CHD7: variants seen among roughly 807,000 people sequenced by gnomAD.
The protein encoded by CHD7 is ATP-dependent chromatin remodeler CHD7.
CHD7 carries 24 observed loss-of-function variants against 307.3 expected under a neutral mutation model. The observed-to-expected ratio is 0.08, with a 90% CI of 0.06 to 0.11. The LOEUF (loss-of-function observed/expected upper bound fraction) is 0.11. Ranked by LOEUF, CHD7 falls within the 10% of genes least tolerant of loss-of-function variation. The probability of loss-of-function intolerance (pLI) is 1.00; values close to 1 mark genes in which losing one functional copy is unlikely to be tolerated. For missense variants in CHD7, 3,106 were observed against 3,727.1 expected (o/e 0.83, Z 4.34); for synonymous variants, 1,363 against 1,349.9 (o/e 1.01, Z -0.21).
chr8:60,809,198 G>A (rs540469353), intron 7 of CHD7, among the ~76,000 whole-genome samples: 3 of 152,170 alleles, frequency 2.0e-5, no homozygotes, highest in Non-Finnish European at 4.4e-5. Flanking sequence ...TGAAGAAGTT[G>A]TGAGTAAAAC....
At chr8:60,790,452 TA>T (rs2150688435) in intron 3 of CHD7, among the ~76,000 whole-genome samples, 1 of 152,364 alleles carries the variant, frequency 6.6e-6, no homozygotes, top group East Asian at 1.9e-4. Flanking sequence ...GTTGGTTTTT[TA>T]AAAAATGCTA....
At chr8:60,770,541 T>C (rs1810658566) in intron 2 of CHD7, among the ~76,000 whole-genome samples, 3 of 152,242 alleles carry the variant, frequency 2.0e-5, no homozygotes, top group African/African-American at 7.2e-5. Context: ...CCCCTCTAAG[T>C]GTTAAACTGA....
chr8:60,718,573 A>G (rs944744539), intron 1 of CHD7, among the ~76,000 whole-genome samples: 1 of 152,000 alleles, frequency 6.6e-6, no homozygotes, highest in African/African-American at 2.4e-5. Context: ...ATAAAGAAAG[A>G]AAATACTTTT....
intron 2 of CHD7, among the ~76,000 whole-genome samples, chr8:60,766,402 A>C (rs1417935672): frequency 6.6e-6 from 1 of 152,232 alleles, no homozygotes; most frequent in Admixed American, 6.5e-5. Context: ...GGAGATGGGA[A>C]GGTACTGGAG....
intron 28 of CHD7, 46 bp from the exon 29 acceptor site, chr8:60,851,973 C>A: frequency 7.3e-7 from 1 of 1,364,636 alleles, no homozygotes. Flanking sequence ...CTCTGTATTG[C>A]AAGATTGCAG....
intron 1 of CHD7, among the ~76,000 whole-genome samples, chr8:60,740,847 G>A (rs1204601993): frequency 7.2e-5 from 11 of 152,216 alleles, no homozygotes; most frequent in Admixed American, 7.2e-4. Context: ...TTAAGGGCGG[G>A]CTGTTGGTAA....
Position 60,856,665 on chromosome 8 carries a change from C to T in CHD7, c.7385C>T (p.Ser2462Phe), listed in dbSNP as rs1487098788. 8 of 1,613,906 alleles carry T rather than the reference C, an allele frequency of 5.0e-6. 1 individual carries two copies. Among genetic ancestry groups the T allele is most frequent in the African/African-American group, 2.7e-5 (2 of 74,932 alleles). ...TSSTSNFSSL[S>F]SKFILPNVST... Reference sequence around the variant, plus strand: ...TCTACCTCAAATTTTTCATCTCTTTCTTCAAAGTTTATCTTGCCTAATGTC... The same window carrying T: ...TCTACCTCAAATTTTTCATCTCTTTTTTCAAAGTTTATCTTGCCTAATGTC... Residue 2462 changes from serine to phenylalanine, a missense_variant, in exon 34 of 38, where the codon TCT becomes TTT. This residue lies in a region of CHD7 where 1,030 missense variants were observed against 1,165.4 expected (regional missense o/e 0.88). Transcript: ENST00000423902.
chr8:60,838,496 A>G (rs1398143367), intron 19 of CHD7, among the ~76,000 whole-genome samples: 1 of 152,162 alleles, frequency 6.6e-6, no homozygotes. Flanking sequence ...CCTGAGGCTA[A>G]TCGCTCACTT....
chr8:60,724,091 A>G (rs1421710285), intron 1 of CHD7, among the ~76,000 whole-genome samples: 4 of 152,196 alleles, frequency 2.6e-5, no homozygotes, highest in African/African-American at 9.6e-5. Context: ...CTCATGTTCA[A>G]TGATTCAGAG....
At chr8:60,845,205 T>G (rs1455308122) in intron 22 of CHD7, 45 bp from the exon 23 acceptor site, 1 of 1,585,282 alleles carries the variant, frequency 6.3e-7, no homozygotes, top group Non-Finnish European at 8.6e-7. Flanking sequence ...GACACTATAA[T>G]TGGAATGTAA....
chr8:60,688,579 A>C (rs1410758861), intron 1 of CHD7, among the ~76,000 whole-genome samples: 1 of 152,148 alleles, frequency 6.6e-6, no homozygotes, highest in Admixed American at 6.5e-5. Flanking sequence ...TTATTTGCCT[A>C]ATTCTCTTGT....
At position 60,852,107 on chromosome 8, in the gene CHD7, T is replaced by C. The variant is rs61746542; in HGVS notation, c.5754T>C (p.Thr1918=). 553 of 1,614,038 alleles carry C rather than the reference T, an allele frequency of 3.4e-4. No individual in the cohort carries two copies. In the African/African-American group the frequency reaches 6.2e-3, roughly 18 times the overall value. The change falls in exon 29 of 38, where the codon ACT becomes ACC. Residue 1918 remains threonine (T), a synonymous_variant. Coordinates refer to ENST00000423902, the MANE Select transcript of CHD7 (RefSeq NM_017780.4). ...TLTTRLRRLI[T]AYQRSYKRQQ... ...CTACACGTCTGCGCCGGCTCATTAC[T>C]GCCTATCAGCGCAGCTATAAAAGGC...
At chr8:60,795,417 T>C (rs964757460) in intron 4 of CHD7, among the ~76,000 whole-genome samples, 3 of 152,228 alleles carry the variant, frequency 2.0e-5, no homozygotes, top group Admixed American at 1.3e-4. Flanking sequence ...GTTTATGTTA[T>C]TAACATTGTT....
intron 2 of CHD7, among the ~76,000 whole-genome samples, chr8:60,744,872 T>G (rs916005831): frequency 1.3e-5 from 2 of 151,368 alleles, no homozygotes; most frequent in Non-Finnish European, 2.9e-5. Context: ...AAAAATTTTT[T>G]TTTTTTTAAT....
intron 1 of CHD7, among the ~76,000 whole-genome samples, chr8:60,725,439 A>G (rs1808117987): frequency 6.6e-6 from 1 of 152,196 alleles, no homozygotes; most frequent in South Asian, 2.1e-4. Flanking sequence ...TATATATTTT[A>G]TATTGCTAAG....
At chr8:60,818,616 TA>T (rs1803869779) in intron 8 of CHD7, among the ~76,000 whole-genome samples, 1 of 152,254 alleles carries the variant, frequency 6.6e-6, no homozygotes, top group Admixed American at 6.5e-5. Flanking sequence ...TACCTCTGTG[TA>T]AAAGCCTGAG....
chr8:60,828,001 G>A (rs1804333271), intron 13 of CHD7, among the ~76,000 whole-genome samples: 1 of 152,020 alleles, frequency 6.6e-6, no homozygotes, highest in Admixed American at 6.6e-5. Flanking sequence ...TATGAAAATA[G>A]GAAGACAGGG....
chr8:60,862,106 G>A, intron 35 of CHD7, 90 bp from the exon 36 acceptor site: 1 of 934,064 alleles, frequency 1.1e-6, no homozygotes, highest in South Asian at 2.1e-5. Flanking sequence ...CATAATAATT[G>A]AAGATGATCT....
chr8:60,854,858 T>A (rs1319377399), intron 32 of CHD7, among the ~76,000 whole-genome samples: 1 of 152,192 alleles, frequency 6.6e-6, no homozygotes, highest in Non-Finnish European at 1.5e-5. Flanking sequence ...GTTTTAAAAT[T>A]TTTTTGTGAA....
Sources: gnomAD v4.1 joint callset for allele counts (sites outside exome capture counted in the v4.1 genomes callset) on GRCh38, gnomAD v4.1.1 for gene constraint, gnomAD v4.1.1 regional missense constraint, MANE v1.5 for transcripts, NCBI Gene and HGNC (gene_info 2026-07-23, HGNC 2026-07-21) for gene names.